The following MINDY2 variants were observed in gnomAD, a reference collection of about 807,000 sequenced individuals.
The protein encoded by MINDY2 is ubiquitin carboxyl-terminal hydrolase MINDY-2.
A neutral mutation model predicts 68.2 loss-of-function variants in MINDY2; 52 were observed. That is an observed-to-expected ratio of 0.76 (90% CI 0.61 to 0.96). The LOEUF is 0.96. Among genes scored for constraint, MINDY2 ranks in the 40% least tolerant of loss-of-function variants. The pLI is 0.00. For missense variants in MINDY2, 881 were observed against 773.4 expected (o/e 1.14, Z -1.65); for synonymous variants, 372 against 303.0 (o/e 1.23, Z -2.36).
chr15:58,816,486 C>T (rs1022417964), intron 4 of MINDY2, among the ~76,000 whole-genome samples: 29 of 152,074 alleles, frequency 1.9e-4, no homozygotes, highest in African/African-American at 6.5e-4. Context: ...TCATAGCTCA[C>T]TGCAGCCTCA....
chr15:58,826,892 T>C (rs1426365561), intron 5 of MINDY2, among the ~76,000 whole-genome samples: 13 of 152,002 alleles, frequency 8.6e-5, no homozygotes, highest in African/African-American at 2.7e-4. Context: ...ATTTCTCCTT[T>C]CCTCCCTTGC....
chr15:58,793,341 A>G (rs1902063198), intron 2 of MINDY2, among the ~76,000 whole-genome samples: 1 of 152,100 alleles, frequency 6.6e-6, no homozygotes, highest in African/African-American at 2.4e-5. Flanking sequence ...AGTCCCAGCT[A>G]CTTGGGAAAC....
Position 58,771,941 on chromosome 15 carries a change from G to T in MINDY2, c.546G>T (p.Leu182=). Residue 182 remains leucine, a synonymous_variant, in exon 1 of 9, where the codon CTG becomes CTT. Transcript: ENST00000559228. ...SLDSLESFSN[L]HSFPSSCEFN... ...ACTCTCTGGAGTCGTTCTCTAACCT[G>T]CATTCTTTTCCCAGTAGCTGCGAGT... 6.4e-7 allele frequency: 1 copy of T among 1,555,246 alleles called. No homozygotes were observed.
At chr15:58,782,617 A>G (rs1256251606) in intron 1 of MINDY2, among the ~76,000 whole-genome samples, 2 of 152,110 alleles carry the variant, frequency 1.3e-5, no homozygotes, top group African/African-American at 2.4e-5. Flanking sequence ...AGTTCTGTCA[A>G]TTATGTTTTG....
chr15:58,846,681 T>A (rs892142520), intron 6 of MINDY2, among the ~76,000 whole-genome samples: 5 of 151,150 alleles, frequency 3.3e-5, no homozygotes, highest in Non-Finnish European at 5.9e-5. Flanking sequence ...TAAAAAAAAA[T>A]TTGTATGCAC....
chr15:58,844,382 C>A (rs1041580955), intron 6 of MINDY2, among the ~76,000 whole-genome samples: 2 of 150,718 alleles, frequency 1.3e-5, no homozygotes, highest in Admixed American at 1.3e-4. Context: ...CCCGTCTCTA[C>A]TAAAAAATAC....
At chr15:58,840,597 T>C (rs965976019) in intron 6 of MINDY2, among the ~76,000 whole-genome samples, 2 of 150,488 alleles carry the variant, frequency 1.3e-5, no homozygotes, top group African/African-American at 4.9e-5. Context: ...ATCCTCTTTG[T>C]GAAATACACA....
chr15:58,834,240 A>G (rs1448439709), intron 6 of MINDY2, among the ~76,000 whole-genome samples: 3 of 152,142 alleles, frequency 2.0e-5, no homozygotes, highest in East Asian at 3.8e-4. Context: ...GGAGTCTCCT[A>G]TGTCTACTTT....
Position 58,772,198 on chromosome 15 carries a change from T to TGAA in MINDY2, c.804_805insAAG (p.Leu268_Leu269insLys). ...CAGAATGAGAACGGACCCTGCCCCT[T>TGAA]GCTGGCCATCCTCAATGTTTTGCTC... On this transcript the variant is annotated inframe_insertion, in exon 1 of 9. Transcript: ENST00000559228. The TGAA allele has an allele frequency of 6.2e-7, 1 of 1,613,312 alleles. No homozygotes were observed. The highest frequency in any genetic ancestry group is 1.1e-5 in the South Asian group (1 of 91,086).
chr15:58,778,893 A>T (rs1447877009), intron 1 of MINDY2, among the ~76,000 whole-genome samples: 2 of 146,628 alleles, frequency 1.4e-5, no homozygotes, highest in South Asian at 4.2e-4. Context: ...GCTCACTGCA[A>T]CCTCTGCCTC....
At position 58,786,116 on chromosome 15, in the gene MINDY2, T is replaced by A. The variant is rs76193371; in HGVS notation, c.841-1790T>A. The stretch of plus-strand genomic sequence containing the variant: ...ATTGACTGTCATATATGCTTACAGA[T>A]GGCTTCAAACCATTCTGTTTTATAG... On this transcript the variant is annotated intron_variant, in intron 1 of 8. Transcript: ENST00000559228. 2.0e-3 allele frequency among the ~76,000 whole-genome samples: 301 copies of A among 152,364 alleles called. 1 individual carries two copies. Among genetic ancestry groups the A allele is most frequent in the Non-Finnish European group, 3.4e-3 (232 of 68,040 alleles).
chr15:58,784,895 A>G (rs537850774), intron 1 of MINDY2, among the ~76,000 whole-genome samples: 1 of 151,860 alleles, frequency 6.6e-6, no homozygotes, highest in East Asian at 1.9e-4. Flanking sequence ...TCAGCCTCCC[A>G]AAGTGCTGGG....
At chr15:58,806,102 C>A (rs1477398355) in intron 3 of MINDY2, among the ~76,000 whole-genome samples, 1 of 152,184 alleles carries the variant, frequency 6.6e-6, no homozygotes, top group Non-Finnish European at 1.5e-5. Context: ...AAGACAAAGT[C>A]TCCCTCTGTT....
chr15:58,823,513 A>C (rs1172318796), intron 5 of MINDY2, among the ~76,000 whole-genome samples: 1 of 151,916 alleles, frequency 6.6e-6, no homozygotes. Flanking sequence ...ATCTCTAAAA[A>C]ATAAAAATAA....
chr15:58,842,174 C>T (rs1454761028), intron 6 of MINDY2, among the ~76,000 whole-genome samples: 3 of 152,034 alleles, frequency 2.0e-5, no homozygotes, highest in African/African-American at 7.2e-5. Flanking sequence ...CATGTCATAA[C>T]TGTTTCCCCT....
chr15:58,828,139 G>A lies in MINDY2; in HGVS notation c.1226-3635G>A, dbSNP rs572494062. On this transcript the variant is annotated intron_variant, in intron 5 of 8. Transcript: ENST00000559228. ...CGCCACTGCACTCCAGTCTGGAAAC[G>A]GAGTGAGACTCCATCTCAAAAAAAA... 9.2e-5 allele frequency among the ~76,000 whole-genome samples: 14 copies of A among 151,460 alleles called. No individual in the cohort carries two copies. The South Asian group carries it at 2.7e-3, about 29-fold the overall frequency.
intron 2 of MINDY2, among the ~76,000 whole-genome samples, chr15:58,791,215 T>TATATATA (rs1901872070): frequency 1.4e-4 from 11 of 79,610 alleles, no homozygotes; most frequent in African/African-American, 3.2e-4. Flanking sequence ...GAAAGCAATT[T>TATATATA]TATATATATA....
At position 58,848,220 on chromosome 15, in the gene MINDY2, T is replaced by C. The variant is rs543850010; in HGVS notation, c.1542+750T>C. Among the ~76,000 whole-genome samples the C allele has an allele frequency of 8.5e-5, 13 of 152,230 alleles. No individual in the cohort carries two copies. The East Asian group carries it at 2.5e-3, about 29-fold the overall frequency. On this transcript the variant is annotated intron_variant, in intron 7 of 8. Coordinates refer to ENST00000559228, the MANE Select transcript of MINDY2 (RefSeq NM_001040450.3). Reference sequence around the variant, plus strand: ...GCAAAAATATGGTCATGTTAAACAGTTGACATATATTTCACTCATAACAAT... The same window carrying C: ...GCAAAAATATGGTCATGTTAAACAGCTGACATATATTTCACTCATAACAAT...
Position 58,787,140 on chromosome 15 carries a change from C to CTTTTTTTTTTT in MINDY2, c.841-752_841-742dup, listed in dbSNP as rs58374538. Among the ~76,000 whole-genome samples, 33 of 78,116 alleles carry CTTTTTTTTTTT rather than the reference C, an allele frequency of 4.2e-4. 1 individual carries two copies. Among genetic ancestry groups the CTTTTTTTTTTT allele is most frequent in the Non-Finnish European group, 4.9e-4 (22 of 44,448 alleles). The allele number at this position is 78,116 out of a possible 152,430, so 51.2% of individuals were successfully genotyped here. ...CCCATATGCCCAGCCCATTTCTTTA[C>CTTTTTTTTTTT]TTTTTTTTTTTTTTTTTTTTTTTTA... is the stretch of plus-strand genomic sequence containing the variant. On this transcript the variant is annotated intron_variant, in intron 1 of 8. Transcript: ENST00000559228.
Sources: allele counts gnomAD v4.1 joint callset (sites outside exome capture counted in the v4.1 genomes callset), GRCh38; gene constraint gnomAD v4.1.1; transcripts MANE v1.5; gene names NCBI Gene and HGNC (gene_info 2026-07-23, HGNC 2026-07-21).